The following DGKD variants were observed in gnomAD, a reference collection of about 807,000 sequenced individuals.
The protein encoded by DGKD is diacylglycerol kinase delta, also known as DAG kinase delta.
In DGKD, 68 loss-of-function variants were observed where a neutral mutation model predicts 154.4. The ratio of observed to expected loss-of-function variants is 0.44; its 90% CI spans 0.36 to 0.54. DGKD has a LOEUF of 0.54. Among genes scored for constraint, DGKD ranks in the 20% least tolerant of loss-of-function variants. The pLI, the probability that DGKD is intolerant of heterozygous loss-of-function variation, is 0.00. For synonymous variants in DGKD, 693 were observed against 638.0 expected, an observed-to-expected ratio of 1.09 and a Z score of -1.30; for missense variants, 1,343 against 1,593.6, an observed-to-expected ratio of 0.84 and a Z score of 2.68.
chr2:233,467,632 T>G (rs777582541), intron 28 of DGKD, among the ~76,000 whole-genome samples: 2 of 152,120 alleles, frequency 1.3e-5, no homozygotes, highest in African/African-American at 2.4e-5. Flanking sequence ...CCACCAGAGA[T>G]TGTGGGTGAT....
chr2:233,464,339 A>T, intron 27 of DGKD, 56 bp downstream of exon 27: 1 of 1,599,390 alleles, frequency 6.3e-7, no homozygotes, highest in Non-Finnish European at 8.6e-7. Flanking sequence ...CTCTCGCCTG[A>T]AGTGCCTGTG....
chr2:233,379,154 CGGTGATAGCTAGTTCTGCCTGGGGGGA>C (rs1318838370), intron 1 of DGKD, among the ~76,000 whole-genome samples: 3 of 152,104 alleles, frequency 2.0e-5, no homozygotes, highest in African/African-American at 7.2e-5. Flanking sequence ...ACTTGCAAAG[CGGTGATAGCTAGTTCTGCCTGGGGGGA>C]GGTGATAGCT....
At chr2:233,423,305 C>T (rs2062181215) in intron 3 of DGKD, among the ~76,000 whole-genome samples, 1 of 152,108 alleles carries the variant, frequency 6.6e-6, no homozygotes, top group Non-Finnish European at 1.5e-5. Flanking sequence ...ATGCTAGTCA[C>T]ATGCTTGGTT....
intron 3 of DGKD, among the ~76,000 whole-genome samples, chr2:233,430,431 C>T (rs115907647): frequency 0.019 from 2,881 of 152,056 alleles, 92 homozygotes; most frequent in African/African-American, 0.066. Flanking sequence ...GAGTGATGGC[C>T]GGGATATGTA....
At chr2:233,385,557 C>T (rs755176653) in intron 1 of DGKD, among the ~76,000 whole-genome samples, 5 of 152,164 alleles carry the variant, frequency 3.3e-5, no homozygotes, top group African/African-American at 4.8e-5. Context: ...TCTAAGAGCC[C>T]GGTGGCCCGG....
At chr2:233,461,403 G>A (rs916801165) in intron 24 of DGKD, among the ~76,000 whole-genome samples, 2 of 152,266 alleles carry the variant, frequency 1.3e-5, no homozygotes, top group African/African-American at 2.4e-5. Context: ...GCCAGCCTTC[G>A]GCTCTTGTCG....
In DGKD at chr2:233,438,288, G is replaced by A; in HGVS notation, c.994G>A (p.Asp332Asn). ...LLVFVNSKSG[D>N]NQGVKFLRRF... is the part of the protein sequence containing the mutation. ...GGTCTTCGTCAATTCAAAAAGTGGG[G>A]ACAACCAGGGTGTGAAGTTCCTCAG... is the stretch of plus-strand genomic sequence containing the variant. Residue 332 changes from aspartate to asparagine, a missense_variant, in exon 9 of 30, where the codon GAC (aspartate) becomes AAC (asparagine). By Grantham distance (23) the Asp-to-Asn change is conservative (BLOSUM62 1). Coordinates refer to ENST00000264057, the MANE Select transcript of DGKD (RefSeq NM_152879.3). This position sits in a 1 kb window ranked among gnomAD's most constrained non-coding sequence, Gnocchi z 4.1. 1.9e-6 allele frequency: 3 copies of A among 1,614,198 alleles called. No individual in the cohort carries two copies. Among genetic ancestry groups the A allele is most frequent in the Non-Finnish European group, 2.5e-6 (3 of 1,180,034 alleles).
intron 29 of DGKD, among the ~76,000 whole-genome samples, chr2:233,468,764 G>T (rs1349746971): frequency 6.6e-6 from 1 of 152,198 alleles, no homozygotes; most frequent in African/African-American, 2.4e-5. Context: ...AGACATAATG[G>T]GGGGCAGAGC....
intron 1 of DGKD, among the ~76,000 whole-genome samples, chr2:233,358,492 G>T (rs1319326090): frequency 6.6e-6 from 1 of 152,186 alleles, no homozygotes; most frequent in African/African-American, 2.4e-5. Context: ...ATACAGTTCA[G>T]TGGTTGTTAG....
At chr2:233,385,042 A>C (rs928537873) in intron 1 of DGKD, among the ~76,000 whole-genome samples, 2 of 152,174 alleles carry the variant, frequency 1.3e-5, no homozygotes, top group Non-Finnish European at 2.9e-5. Context: ...AGTGACCAGC[A>C]TCTGGTGATG....
Position 233,454,814 on chromosome 2 carries a change from G to A in DGKD, c.2316G>A (p.Leu772=), listed in dbSNP as rs1006122772. The A allele has an allele frequency of 8.1e-6, 13 of 1,613,948 alleles. No homozygotes were observed. Among genetic ancestry groups the A allele is most frequent in the Non-Finnish European group, 1.1e-5 (13 of 1,179,952 alleles). Residue 772 remains leucine, a synonymous_variant, in exon 19 of 30, where the codon CTG becomes CTA. Transcript: ENST00000264057. The part of the protein sequence containing the change: ...CVMNNYFGIG[L]DAKISLDFNN... The stretch of plus-strand genomic sequence containing the variant: ...TGAACAACTATTTTGGCATTGGCCT[G>A]GATGCGAAGATATCCCTGGACTTTA...
At chr2:233,407,001 A>T (rs2061702806) in intron 3 of DGKD, among the ~76,000 whole-genome samples, 1 of 152,230 alleles carries the variant, frequency 6.6e-6, no homozygotes, top group Admixed American at 6.5e-5. Flanking sequence ...AGTATATCAT[A>T]AAGAAGGTCT....
chr2:233,362,505 G>A (rs1476796545), intron 1 of DGKD, among the ~76,000 whole-genome samples: 1 of 152,122 alleles, frequency 6.6e-6, no homozygotes, highest in Non-Finnish European at 1.5e-5. Flanking sequence ...ACAAAAATTA[G>A]CTGGGTGTGG....
intron 3 of DGKD, among the ~76,000 whole-genome samples, chr2:233,429,829 C>T (rs2125574772): frequency 6.6e-6 from 1 of 152,334 alleles, no homozygotes; most frequent in Admixed American, 6.5e-5. Context: ...CAGCCCGGCC[C>T]CAGGTGTTCT....
chr2:233,370,403 G>T (rs1702250228), intron 1 of DGKD, among the ~76,000 whole-genome samples: 1 of 151,694 alleles, frequency 6.6e-6, no homozygotes, highest in South Asian at 2.1e-4. Context: ...TAGTACAGAG[G>T]GGGTTTCACC....
chr2:233,438,737 A>ATT lies in DGKD; in HGVS notation c.1085+360_1085+361dup, dbSNP rs1396050740. ...ATTTTCTTTCATTTTATAATTTTTT[A>ATT]TTTATCTGTCTATCTATCATCTATC... On this transcript the variant is annotated intron_variant, in intron 9 of 29. Coordinates refer to ENST00000264057, the MANE Select transcript of DGKD (RefSeq NM_152879.3). This position sits in a 1 kb window ranked among gnomAD's most constrained non-coding sequence, Gnocchi z 4.1. Among the ~76,000 whole-genome samples, 12 of 98,590 alleles carry ATT rather than the reference A, an allele frequency of 1.2e-4. No individual in the cohort carries two copies. The highest frequency in any genetic ancestry group is 5.7e-4 in the African/African-American group (9 of 15,764). The allele number at this position is 98,590 out of a possible 152,430, so 64.7% of individuals were successfully genotyped here.
In DGKD at chr2:233,441,928, T is replaced by A. The variant is rs768520275; in HGVS notation, c.1127T>A (p.Val376Asp). Residue 376 changes from valine (V) to aspartate (D), a missense_variant, in exon 10 of 30, where the codon GTT (valine) becomes GAT (aspartate). Coordinates refer to ENST00000264057, the MANE Select transcript of DGKD (RefSeq NM_152879.3). This position sits in a 1 kb window ranked among gnomAD's most constrained non-coding sequence, Gnocchi z 5.6. Reference protein sequence around the residue: ...FQKFDTFRILVCGGDGSVGWV... With the variant: ...FQKFDTFRILDCGGDGSVGWV... ...AAGTTTGACACATTCCGGATTCTGG[T>A]TTGTGGCGGGGATGGAAGTGTTGGC... 6.2e-7 allele frequency: 1 copy of A among 1,614,022 alleles called. No homozygotes were observed.
At chr2:233,371,077 C>T (rs1016592895) in intron 1 of DGKD, among the ~76,000 whole-genome samples, 2 of 151,916 alleles carry the variant, frequency 1.3e-5, no homozygotes, top group African/African-American at 4.8e-5. Context: ...CTTTTGGGTA[C>T]GTACATGTGA....
In DGKD at chr2:233,459,862, A is replaced by G; in HGVS notation, c.2800A>G (p.Asn934Asp). 6.2e-7 allele frequency: 1 copy of G among 1,613,998 alleles called. No homozygotes were observed. The highest frequency in any genetic ancestry group is 2.2e-5 in the East Asian group (1 of 44,862). Residue 934 changes from asparagine to aspartate, a missense_variant, in exon 23 of 30, where the codon AAC becomes GAC. Around this residue, in one of 6 missense-constraint regions of DGKD, gnomAD observed 429 missense variants for 496.3 expected, o/e 0.86. Transcript: ENST00000264057. The surrounding 1 kb of genome is among the most constrained non-coding windows in gnomAD (Gnocchi z 5.7). ...PPGYIRIVHK[N>D]RAQTLTRDRA... is the part of the protein sequence containing the mutation. ...AGGGTACATTCGGATTGTCCACAAG[A>G]ACCGGGCACAGACACTGACCAGAGA...
Sources: allele counts gnomAD v4.1 joint callset (sites outside exome capture counted in the v4.1 genomes callset), GRCh38; gene constraint gnomAD v4.1.1; regional missense constraint gnomAD v4.1.1; non-coding constraint Gnocchi (gnomAD v3.1); transcripts MANE v1.5; gene names NCBI Gene and HGNC (gene_info 2026-07-23, HGNC 2026-07-21).